Variants in TMEM272 observed in about 807,000 individuals in gnomAD.
TMEM272 encodes the protein transmembrane protein 272.
A neutral mutation model predicts 3.7 loss-of-function variants in TMEM272; 8 were observed. The observed-to-expected ratio is 2.17, with a 90% CI of 1.27 to 3.91. The LOEUF (loss-of-function observed/expected upper bound fraction) is 3.91, where lower values mean the gene tolerates loss of function less well. Ranked by LOEUF, TMEM272 falls within the 30% of genes most tolerant of loss-of-function variation. The probability of loss-of-function intolerance (pLI) is 0.00; values close to 1 mark genes in which losing one functional copy is unlikely to be tolerated. For synonymous variants in TMEM272, 63 were observed against 39.8 expected, an observed-to-expected ratio of 1.58 and a Z score of -2.20; for missense variants, 166 against 91.5, an observed-to-expected ratio of 1.81 and a Z score of -3.32.
chr13:51,842,320 T>C (rs1242023494), intron 1 of TMEM272, among the ~76,000 whole-genome samples: 1 of 152,256 alleles, frequency 6.6e-6, no homozygotes, highest in Non-Finnish European at 1.5e-5. Flanking sequence ...TAAACTTCTT[T>C]TTAAAACCTC....
chr13:51,843,514 T>C (rs1170087637), intron 1 of TMEM272, among the ~76,000 whole-genome samples: 1 of 152,222 alleles, frequency 6.6e-6, no homozygotes. Flanking sequence ...TGCAATCCAT[T>C]AAATGATTGA....
At chr13:51,922,002 G>A in the TMEM272 span, among the ~76,000 whole-genome samples, 2 of 152,122 alleles carry the variant, frequency 1.3e-5, no homozygotes, top group African/African-American at 2.4e-5. Context: ...TGTGGGTTGT[G>A]CTTTTTAAAA....
At chr13:51,848,225 C>T (rs1593603403), upstream of TMEM272, among the ~76,000 whole-genome samples, 1 of 152,208 alleles carries the variant, frequency 6.6e-6, no homozygotes, top group African/African-American at 2.4e-5. Flanking sequence ...GGAAGACCAC[C>T]ACTGGAAATG....
the TMEM272 span, among the ~76,000 whole-genome samples, chr13:51,896,245 G>A: frequency 6.6e-6 from 1 of 152,226 alleles, no homozygotes; most frequent in Non-Finnish European, 1.5e-5. Flanking sequence ...CCTTCTAGCT[G>A]TGCCATCGGG....
chr13:51,850,662 T>C, the TMEM272 span, among the ~76,000 whole-genome samples: 2 of 152,258 alleles, frequency 1.3e-5, no homozygotes, highest in African/African-American at 2.4e-5. Flanking sequence ...AACAGAGCTA[T>C]ACCATATCTA....
At chr13:51,903,820 G>A in the TMEM272 span, among the ~76,000 whole-genome samples, 3 of 152,192 alleles carry the variant, frequency 2.0e-5, no homozygotes, top group South Asian at 6.2e-4. Context: ...GCAGTGCTGG[G>A]GCAGAAAAGA....
the TMEM272 span, among the ~76,000 whole-genome samples, chr13:51,857,476 T>G: frequency 6.6e-6 from 1 of 152,202 alleles, no homozygotes; most frequent in African/African-American, 2.4e-5. Flanking sequence ...GAATTAAAAT[T>G]TATGACAACA....
the TMEM272 span, among the ~76,000 whole-genome samples, chr13:51,898,984 G>A: frequency 6.6e-6 from 1 of 152,060 alleles, no homozygotes; most frequent in South Asian, 2.1e-4. Flanking sequence ...GCCTTGTCAA[G>A]GCCACCTTCT....
the TMEM272 span, among the ~76,000 whole-genome samples, chr13:51,902,850 ACACAGC>A: frequency 6.6e-6 from 1 of 152,274 alleles, no homozygotes; most frequent in Admixed American, 6.5e-5. Context: ...CAGATAACTA[ACACAGC>A]CCTGACAGCA....
At chr13:51,888,132 G>A in the TMEM272 span, among the ~76,000 whole-genome samples, 6 of 150,440 alleles carry the variant, frequency 4.0e-5, no homozygotes, top group South Asian at 2.1e-4. Flanking sequence ...TGCAAACTCC[G>A]CCTCCCAGGT....
chr13:51,874,045 G>A, the TMEM272 span, among the ~76,000 whole-genome samples: 70 of 152,330 alleles, frequency 4.6e-4, 1 homozygote, highest in East Asian at 9.4e-3. Context: ...CCTCAGTGAA[G>A]AGAAAGATGC....
At chr13:51,908,854 C>T in the TMEM272 span, 2 of 1,436,002 alleles carry the variant, frequency 1.4e-6, no homozygotes, top group Non-Finnish European at 2.0e-6. Context: ...GACAGGGGCC[C>T]AGTGTCAGAA....
the TMEM272 span, among the ~76,000 whole-genome samples, chr13:51,927,214 AAAAT>A: frequency 1.3e-5 from 2 of 152,190 alleles, no homozygotes; most frequent in South Asian, 2.1e-4. Context: ...ATATTCCTCC[AAAAT>A]AAATAAATAA....
the TMEM272 span, among the ~76,000 whole-genome samples, chr13:51,916,336 C>A: frequency 6.6e-6 from 1 of 152,258 alleles, no homozygotes; most frequent in South Asian, 2.1e-4. Context: ...GTACTCTGGT[C>A]TCAGTTCTTT....
chr13:51,855,043 A>T, the TMEM272 span, among the ~76,000 whole-genome samples: 1 of 152,192 alleles, frequency 6.6e-6, no homozygotes. Flanking sequence ...ACAAGCAATA[A>T]AGACAGTGGA....
the TMEM272 span, among the ~76,000 whole-genome samples, chr13:51,893,522 T>C: frequency 7.3e-4 from 111 of 152,182 alleles, 1 homozygote; most frequent in African/African-American, 2.6e-3. Flanking sequence ...GCAACAACGA[T>C]GAATGTGTGT....
chr13:51,847,902 T>C (rs550243616), upstream of TMEM272, among the ~76,000 whole-genome samples: 3 of 152,322 alleles, frequency 2.0e-5, no homozygotes, highest in South Asian at 2.1e-4. Context: ...CTTTTCCACA[T>C]GTCCCCAAAC....
chr13:51,909,197 C>T, the TMEM272 span: 2 of 1,324,216 alleles, frequency 1.5e-6, no homozygotes, highest in Non-Finnish European at 2.2e-6. Flanking sequence ...CATTTTCTTT[C>T]CTTAAATCAT....
the TMEM272 span, chr13:51,865,276 G>C: frequency 1.1e-6 from 1 of 911,308 alleles, no homozygotes; most frequent in Non-Finnish European, 1.7e-6. Context: ...ACAGAACCAA[G>C]GGCCGTCCCC....
Sources: allele counts gnomAD v4.1 joint callset (sites outside exome capture counted in the v4.1 genomes callset), GRCh38; gene constraint gnomAD v4.1.1; transcripts MANE v1.5; gene names NCBI Gene and HGNC (gene_info 2026-07-23, HGNC 2026-07-21).